Variants in NRG1 observed in about 807,000 individuals in gnomAD.
NRG1 encodes the protein pro-neuregulin-1, membrane-bound isoform.
Under a neutral mutation model 63.8 loss-of-function variants are expected in NRG1, and 18 were observed. The ratio of observed to expected loss-of-function variants is 0.28; its 90% CI spans 0.19 to 0.42. The LOEUF (loss-of-function observed/expected upper bound fraction) is 0.42. Ranked by LOEUF, NRG1 falls within the 10% of genes least tolerant of loss-of-function variation. The probability of loss-of-function intolerance (pLI) is 1.00; values close to 1 mark genes in which losing one functional copy is unlikely to be tolerated. For synonymous variants in NRG1, 302 were observed against 301.3 expected, an observed-to-expected ratio of 1.00 and a Z score of -0.02; for missense variants, 762 against 814.7, an observed-to-expected ratio of 0.94 and a Z score of 0.79.
Position 31,775,832 on chromosome 8 carries a change from G to A in NRG1, c.37+136401G>A, listed in dbSNP as rs569820249. Reference sequence around the variant, plus strand: ...CAGGAGGTGGAGCTTGCAGTGAGCCGAGATCATGCCACCACACTCCAGCCT... The same window carrying A: ...CAGGAGGTGGAGCTTGCAGTGAGCCAAGATCATGCCACCACACTCCAGCCT... On this transcript the variant is annotated intron_variant, in intron 1 of 10. Transcript: ENST00000519301. Among the ~76,000 whole-genome samples, 10 of 132,554 alleles carry A rather than the reference G, an allele frequency of 7.5e-5. No homozygotes were observed. In the East Asian group the frequency reaches 9.6e-4, roughly 13 times the overall value. The allele number at this position is 132,554 out of a possible 152,430, so 87.0% of individuals were successfully genotyped here.
At chr8:32,549,156 C>T (rs1157573375) in intron 1 of NRG1, among the ~76,000 whole-genome samples, 2 of 152,222 alleles carry the variant, frequency 1.3e-5, no homozygotes, top group African/African-American at 4.8e-5. Flanking sequence ...GGAGTGGGAC[C>T]TGGGCTATAG....
In NRG1 at chr8:32,022,053, TTTG is replaced by T. The variant is rs148349913; in HGVS notation, c.37+382640_37+382642del. 2.5e-3 allele frequency among the ~76,000 whole-genome samples: 382 copies of T among 152,078 alleles called. 4 individuals are homozygous for T. Among genetic ancestry groups the T allele is most frequent in the African/African-American group, 8.8e-3 (366 of 41,488 alleles). ...TTTATAAGTGAAACTTTCCAGGTAT[TTTG>T]TTGTTGTTGTTGTTGTTATATCAGG... On this transcript the variant is annotated intron_variant, in intron 1 of 10. Transcript: ENST00000519301.
chr8:32,217,660 T>G (rs1399114656), intron 1 of NRG1, among the ~76,000 whole-genome samples: 1 of 152,216 alleles, frequency 6.6e-6, no homozygotes, highest in Non-Finnish European at 1.5e-5. Flanking sequence ...AGAGGAACCA[T>G]GCATTACTGA....
intron 1 of NRG1, among the ~76,000 whole-genome samples, chr8:32,189,554 A>C (rs1197651268): frequency 6.6e-6 from 1 of 152,200 alleles, no homozygotes; most frequent in Non-Finnish European, 1.5e-5. Flanking sequence ...GAATGGACAT[A>C]ATAATATTTA....
chr8:32,455,738 A>T (rs1376424366), intron 1 of NRG1, among the ~76,000 whole-genome samples: 1 of 152,220 alleles, frequency 6.6e-6, no homozygotes, highest in Admixed American at 6.6e-5. Context: ...GGATTGCAAC[A>T]TGCTTTTTTT....
intron 5 of NRG1, 66 bp from the exon 6 acceptor site, chr8:32,727,883 A>T: frequency 6.6e-7 from 1 of 1,515,672 alleles, no homozygotes. Flanking sequence ...ATAATTTAAG[A>T]TTAAAGGCTG....
At chr8:32,586,399 T>A (rs541777525) in intron 1 of NRG1, among the ~76,000 whole-genome samples, 56 of 152,130 alleles carry the variant, frequency 3.7e-4, no homozygotes, top group Non-Finnish European at 8.1e-4. Flanking sequence ...ATTTCAATTA[T>A]CAGGGTGAAA....
intron 1 of NRG1, among the ~76,000 whole-genome samples, chr8:32,233,536 A>AAT (rs71541806): frequency 0.039 from 3,430 of 88,030 alleles, 125 homozygotes; most frequent in South Asian, 0.054. Flanking sequence ...AACTCGAAAG[A>AAT]ATATATATAT....
chr8:32,488,242 A>G (rs1248775052), intron 1 of NRG1, among the ~76,000 whole-genome samples: 3 of 152,180 alleles, frequency 2.0e-5, no homozygotes, highest in Non-Finnish European at 4.4e-5. Context: ...CTTTTAGCAT[A>G]CTTTTCGTTC....
chr8:32,291,313 G>T (rs1854170571), intron 1 of NRG1, among the ~76,000 whole-genome samples: 2 of 152,100 alleles, frequency 1.3e-5, no homozygotes, highest in African/African-American at 4.8e-5. Context: ...AACATACAAA[G>T]TTAGCCATCA....
intron 1 of NRG1, among the ~76,000 whole-genome samples, chr8:32,362,670 A>G (rs910663518): frequency 6.6e-6 from 1 of 152,210 alleles, no homozygotes; most frequent in Non-Finnish European, 1.5e-5. Flanking sequence ...CTTCTCAGGA[A>G]GAGTAGAACT....
intron 1 of NRG1, among the ~76,000 whole-genome samples, chr8:32,227,943 G>A (rs964216360): frequency 6.6e-6 from 1 of 152,130 alleles, no homozygotes; most frequent in Non-Finnish European, 1.5e-5. Context: ...TGGGAATACA[G>A]GTATACAAGT....
chr8:32,089,790 A>G (rs1163772229), intron 1 of NRG1, among the ~76,000 whole-genome samples: 2 of 152,224 alleles, frequency 1.3e-5, no homozygotes, highest in Non-Finnish European at 2.9e-5. Context: ...GGACACATAT[A>G]GGTGGGAAAA....
At chr8:31,748,192 A>G (rs1455841527) in intron 1 of NRG1, among the ~76,000 whole-genome samples, 1 of 152,004 alleles carries the variant, frequency 6.6e-6, no homozygotes, top group Non-Finnish European at 1.5e-5. Context: ...TAGCTTATAG[A>G]TGAAATGTTT....
intron 1 of NRG1, among the ~76,000 whole-genome samples, chr8:31,769,650 C>T (rs1412925818): frequency 6.6e-6 from 1 of 152,120 alleles, no homozygotes. Context: ...AGTAGGGGTG[C>T]ACACAAGAGT....
chr8:32,107,997 A>G (rs1831498700), intron 1 of NRG1, among the ~76,000 whole-genome samples: 1 of 152,170 alleles, frequency 6.6e-6, no homozygotes, highest in South Asian at 2.1e-4. Flanking sequence ...TGCCATATCT[A>G]ATAAATTATC....
chr8:32,609,725 G>C (rs761075507), intron 3 of NRG1, among the ~76,000 whole-genome samples: 17 of 146,844 alleles, frequency 1.2e-4, no homozygotes, highest in South Asian at 2.2e-4. Flanking sequence ...GCAGTGGCAG[G>C]ATCTCGGCCA....
chr8:32,464,281 C>CCA, intron 1 of NRG1, among the ~76,000 whole-genome samples: 1 of 122,866 alleles, frequency 8.1e-6, no homozygotes, highest in African/African-American at 3.1e-5. Context: ...TTATCCCCAC[C>CCA]CCCCCCCACC....
intron 1 of NRG1, among the ~76,000 whole-genome samples, chr8:32,497,446 CAAAA>C (rs34243536): frequency 1.0e-4 from 12 of 119,570 alleles, no homozygotes; most frequent in Admixed American, 1.7e-4. Flanking sequence ...GATTTTGTAT[CAAAA>C]AAAAAAAAAA....
Sources: allele counts gnomAD v4.1 joint callset (sites outside exome capture counted in the v4.1 genomes callset), GRCh38; gene constraint gnomAD v4.1.1; transcripts MANE v1.5; gene names NCBI Gene and HGNC (gene_info 2026-07-23, HGNC 2026-07-21).